The following RYR3 variants were observed in gnomAD, a reference collection of about 807,000 sequenced individuals.
RYR3 encodes ryanodine receptor 3.
In RYR3, 207 loss-of-function variants were observed where a neutral mutation model predicts 584.3. That is an observed-to-expected ratio of 0.35 (90% CI 0.32 to 0.40). The LOEUF is 0.40. Among genes scored for constraint, RYR3 ranks in the 10% least tolerant of loss-of-function variants. RYR3 has a pLI of 1.00. For synonymous variants in RYR3, 2,416 were observed against 2,248.5 expected, an observed-to-expected ratio of 1.07 and a Z score of -2.11; for missense variants, 5,616 against 6,089.2, an observed-to-expected ratio of 0.92 and a Z score of 2.59.
At chr15:33,539,120 C>A in intron 5 of RYR3, 1 of 352,082 alleles carries the variant, frequency 2.8e-6, no homozygotes, top group East Asian at 4.4e-5. Context: ...CTCCAATACT[C>A]CTTTCCATAC....
intron 69 of RYR3, among the ~76,000 whole-genome samples, chr15:33,802,825 G>A (rs2075989636): frequency 6.6e-6 from 1 of 152,228 alleles, no homozygotes; most frequent in African/African-American, 2.4e-5. Context: ...TACCTGAGAT[G>A]TGCATCTCTC....
chr15:33,428,571 CCTTAAT>C (rs1393516635), intron 1 of RYR3, among the ~76,000 whole-genome samples: 2 of 152,156 alleles, frequency 1.3e-5, no homozygotes, highest in African/African-American at 4.8e-5. Flanking sequence ...GGAAACAAAA[CCTTAAT>C]CTTAGTTTAT....
intron 69 of RYR3, 147 bp from the exon 70 acceptor site, chr15:33,807,408 G>T: frequency 2.5e-6 from 2 of 796,178 alleles, no homozygotes; most frequent in Non-Finnish European, 2.1e-6. Flanking sequence ...TGCTCAACTG[G>T]CTTCCAGAAC....
At chr15:33,524,535 C>T (rs979271960) in intron 3 of RYR3, among the ~76,000 whole-genome samples, 34 of 152,284 alleles carry the variant, frequency 2.2e-4, no homozygotes, top group African/African-American at 7.7e-4. Context: ...CTCCCAGAAG[C>T]AGAATCACTA....
At position 33,540,796 on chromosome 15, in the gene RYR3, C is replaced by G. The variant is rs1595509178; in HGVS notation, c.552C>G (p.Leu184=). The part of the protein sequence containing the change: ...VSVSSERYLH[L]SVSNGNIQVD... ...CATTTCTGTTTCTGCTGCAGCATCT[C>G]TCAGTATCAAATGGTAACATACAAG... Residue 184 remains leucine, a synonymous_variant, in exon 7 of 104, where the codon CTC becomes CTG. Coordinates refer to ENST00000634891, the MANE Select transcript of RYR3 (RefSeq NM_001036.6). 6.2e-7 allele frequency: 1 copy of G among 1,601,436 alleles called. No homozygotes were observed. Among genetic ancestry groups the G allele is most frequent in the Non-Finnish European group, 8.6e-7 (1 of 1,168,724 alleles).
intron 3 of RYR3, among the ~76,000 whole-genome samples, chr15:33,516,541 G>T (rs2053539141): frequency 6.6e-6 from 1 of 151,946 alleles, no homozygotes; most frequent in South Asian, 2.1e-4. Flanking sequence ...TCACCATGTT[G>T]GCCAAGCTGG....
At chr15:33,540,694 A>T in intron 6 of RYR3, 97 bp from the exon 7 acceptor site, 1 of 748,164 alleles carries the variant, frequency 1.3e-6, no homozygotes, top group Non-Finnish European at 2.4e-6. Flanking sequence ...GATGACAGTA[A>T]GGCTGTTTAA....
intron 2 of RYR3, among the ~76,000 whole-genome samples, chr15:33,475,680 C>T (rs2049310959): frequency 6.6e-6 from 1 of 152,190 alleles, no homozygotes; most frequent in Non-Finnish European, 1.5e-5. Context: ...AATCCTGTCT[C>T]TACCACTTGC....
intron 11 of RYR3, among the ~76,000 whole-genome samples, chr15:33,564,978 A>G (rs956092187): frequency 3.9e-5 from 6 of 152,222 alleles, no homozygotes; most frequent in Admixed American, 2.0e-4. Flanking sequence ...ACAGTAATCA[A>G]GAAAAACCAA....
At chr15:33,581,746 G>A in intron 14 of RYR3, 103 bp downstream of exon 14, 5 of 1,011,238 alleles carry the variant, frequency 4.9e-6, no homozygotes, top group Non-Finnish European at 7.6e-6. Flanking sequence ...GTGATACTTG[G>A]ACTGCCTCAT....
chr15:33,601,315 C>T (rs1332728363), intron 16 of RYR3, 104 bp from the exon 17 acceptor site: 3 of 1,216,434 alleles, frequency 2.5e-6, no homozygotes, highest in Non-Finnish European at 3.5e-6. Flanking sequence ...TACCCGTCAC[C>T]TAGCCCCCAC....
chr15:33,455,805 A>G (rs1308725711), intron 1 of RYR3, among the ~76,000 whole-genome samples: 2 of 152,200 alleles, frequency 1.3e-5, no homozygotes, highest in East Asian at 3.8e-4. Flanking sequence ...CAGGAAAAAT[A>G]TTTTATTTCC....
At chr15:33,362,661 T>A (rs1462052112) in intron 1 of RYR3, among the ~76,000 whole-genome samples, 1 of 152,202 alleles carries the variant, frequency 6.6e-6, no homozygotes, top group Non-Finnish European at 1.5e-5. Flanking sequence ...ATACAGTGTT[T>A]GAATTGAGCT....
chr15:33,447,571 G>A (rs1000522436), intron 1 of RYR3, among the ~76,000 whole-genome samples: 3 of 152,172 alleles, frequency 2.0e-5, no homozygotes, highest in Non-Finnish European at 1.5e-5. Context: ...GACATGAGAC[G>A]ATGGGCTTTT....
At chr15:33,391,360 G>T (rs1045821105) in intron 1 of RYR3, among the ~76,000 whole-genome samples, 2 of 152,124 alleles carry the variant, frequency 1.3e-5, no homozygotes, top group African/African-American at 4.8e-5. Context: ...AGGTGCGGTG[G>T]CTCACACCTG....
chr15:33,740,076 T>G, intron 51 of RYR3, 81 bp downstream of exon 51: 1 of 1,259,310 alleles, frequency 7.9e-7, no homozygotes, highest in Non-Finnish European at 1.1e-6. Context: ...GCAAGAAATG[T>G]GAGCTTTACC....
intron 1 of RYR3, among the ~76,000 whole-genome samples, chr15:33,418,546 A>AAG (rs1254653753): frequency 2.6e-5 from 4 of 152,052 alleles, no homozygotes; most frequent in African/African-American, 9.7e-5. Context: ...GACAGGTAGC[A>AAG]AGAGGAGGAA....
chr15:33,517,696 C>G (rs1415527668), intron 3 of RYR3, among the ~76,000 whole-genome samples: 2 of 152,130 alleles, frequency 1.3e-5, no homozygotes, highest in Admixed American at 6.5e-5. Context: ...TACCCCAGGA[C>G]ATGACATTGT....
At chr15:33,375,813 C>T (rs1438099575) in intron 1 of RYR3, among the ~76,000 whole-genome samples, 2 of 152,216 alleles carry the variant, frequency 1.3e-5, no homozygotes, top group East Asian at 1.9e-4. Context: ...GCCTGTAATC[C>T]CAGCACTCTG....
Sources: allele counts gnomAD v4.1 joint callset (sites outside exome capture counted in the v4.1 genomes callset), GRCh38; gene constraint gnomAD v4.1.1; transcripts MANE v1.5; gene names NCBI Gene and HGNC (gene_info 2026-07-23, HGNC 2026-07-21).